The following SLC60A2 variants were observed in gnomAD, a reference collection of about 807,000 sequenced individuals.
The protein encoded by SLC60A2 is solute carrier family 60 member 2.
chr6:111,265,551 TATAA>T, the SLC60A2 span: 1 of 174,182 alleles, frequency 5.7e-6, no homozygotes, highest in Non-Finnish European at 1.1e-5. Context: ...AATATTAATA[TATAA>T]ATATTTCTTC....
the SLC60A2 span, chr6:111,262,329 C>T: frequency 6.2e-7 from 1 of 1,614,076 alleles, no homozygotes; most frequent in Non-Finnish European, 8.5e-7. Context: ...TATCAGTAGT[C>T]TGTCTTTCAT....
chr6:111,267,666 A>G, the SLC60A2 span: 2 of 152,212 alleles, frequency 1.3e-5, no homozygotes, highest in Non-Finnish European at 1.5e-5. Flanking sequence ...CTAAAAATAC[A>G]AAAAATTAGC....
chr6:111,261,469 A>AT, the SLC60A2 span, among the ~76,000 whole-genome samples: 1 of 151,498 alleles, frequency 6.6e-6, no homozygotes, highest in East Asian at 1.9e-4. Context: ...TTTCATTTTT[A>AT]TTTTTGTAGA....
chr6:111,278,368 GATC>G, the SLC60A2 span: 1 of 152,136 alleles, frequency 6.6e-6, no homozygotes, highest in African/African-American at 2.4e-5. Context: ...TTGTTTTTTA[GATC>G]ATCAACAGTT....
chr6:111,264,787 C>CA, the SLC60A2 span, among the ~76,000 whole-genome samples: 9,812 of 120,844 alleles, frequency 0.081, 681 homozygotes, highest in African/African-American at 0.23. Flanking sequence ...GACTCCATCT[C>CA]AAAAAAAAAA....
chr6:111,269,888 A>C, the SLC60A2 span: 2 of 152,202 alleles, frequency 1.3e-5, no homozygotes, highest in African/African-American at 4.8e-5. Context: ...GTGTCTGCTG[A>C]TACCTAAGTA....
the SLC60A2 span, chr6:111,259,375 G>A: frequency 5.6e-6 from 2 of 354,728 alleles, no homozygotes; most frequent in African/African-American, 2.1e-5. Context: ...CACCTGCGGC[G>A]TGCCGAAGTT....
the SLC60A2 span, chr6:111,267,396 C>T: frequency 3.4e-6 from 1 of 294,750 alleles, no homozygotes; most frequent in Non-Finnish European, 6.3e-6. Context: ...CCCCTCAGAG[C>T]ACCCAAAGAA....
chr6:111,265,069 G>A, the SLC60A2 span: 1 of 156,680 alleles, frequency 6.4e-6, no homozygotes, highest in Non-Finnish European at 1.4e-5. Context: ...CTCCAGCCAG[G>A]GTCTCAAAAA....
chr6:111,261,616 CAG>C, the SLC60A2 span, among the ~76,000 whole-genome samples: 2 of 152,052 alleles, frequency 1.3e-5, no homozygotes, highest in African/African-American at 4.8e-5. Context: ...CTTTCTGAGA[CAG>C]AGTCTCGCTC....
chr6:111,261,932 A>G, the SLC60A2 span, among the ~76,000 whole-genome samples: 3 of 152,298 alleles, frequency 2.0e-5, no homozygotes, highest in East Asian at 3.9e-4. Flanking sequence ...TTGTGCATGT[A>G]ATATATTTCA....
the SLC60A2 span, chr6:111,266,454 A>C: frequency 7.4e-6 from 12 of 1,614,042 alleles, no homozygotes; most frequent in African/African-American, 4.0e-5. Context: ...TGGAACCATG[A>C]TTGTGTTGAG....
chr6:111,259,600 A>C, the SLC60A2 span: 1 of 1,330,622 alleles, frequency 7.5e-7, no homozygotes, highest in Non-Finnish European at 1.0e-6. Flanking sequence ...CGGCTCCTGC[A>C]GGCGGAGGCC....
At chr6:111,267,017 A>G in the SLC60A2 span, 10 of 1,614,200 alleles carry the variant, frequency 6.2e-6, no homozygotes, top group East Asian at 2.2e-5. Context: ...TCTATAATCA[A>G]TACCCATCAA....
chr6:111,279,945 C>T, the SLC60A2 span, among the ~76,000 whole-genome samples: 1 of 152,142 alleles, frequency 6.6e-6, no homozygotes, highest in Non-Finnish European at 1.5e-5. Flanking sequence ...ATAGACTACT[C>T]ACTGTTTACA....
At chr6:111,275,243 T>A in the SLC60A2 span, among the ~76,000 whole-genome samples, 1 of 152,180 alleles carries the variant, frequency 6.6e-6, no homozygotes. Flanking sequence ...TATGTCTTCG[T>A]TTGCTTTGAT....
chr6:111,274,194 C>T, the SLC60A2 span, among the ~76,000 whole-genome samples: 8 of 152,094 alleles, frequency 5.3e-5, no homozygotes, highest in Non-Finnish European at 5.9e-5. Context: ...CTCTGGTGTT[C>T]GGTGCATATA....
the SLC60A2 span, chr6:111,265,380 C>T: frequency 1.0e-6 from 1 of 985,290 alleles, no homozygotes. Flanking sequence ...AATGGGCATA[C>T]CAGAATCCTG....
the SLC60A2 span, among the ~76,000 whole-genome samples, chr6:111,272,093 C>T: frequency 6.6e-6 from 1 of 152,210 alleles, no homozygotes; most frequent in Non-Finnish European, 1.5e-5. Context: ...GCCCTGACCT[C>T]CCAGGCTCAA....
Sources: gnomAD v4.1 joint callset for allele counts (sites outside exome capture counted in the v4.1 genomes callset) on GRCh38, gnomAD v4.1.1 for gene constraint, MANE v1.5 for transcripts, NCBI Gene and HGNC (gene_info 2026-07-23, HGNC 2026-07-21) for gene names.